CFAP77: variants seen among roughly 807,000 people sequenced by gnomAD.
CFAP77 encodes the protein cilia- and flagella-associated protein 77.
A neutral mutation model predicts 31.1 loss-of-function variants in CFAP77; 25 were observed. That is an observed-to-expected ratio of 0.80 (90% CI 0.59 to 1.12). CFAP77 has a LOEUF of 1.12. CFAP77 is among the 50% of genes most tolerant of loss of function. The pLI is 0.00. For synonymous variants in CFAP77, 151 were observed against 159.9 expected, an observed-to-expected ratio of 0.94 and a Z score of 0.42; for missense variants, 377 against 397.3, an observed-to-expected ratio of 0.95 and a Z score of 0.44.
intron 1 of CFAP77, among the ~76,000 whole-genome samples, chr9:132,433,355 C>T (rs787880): frequency 0.14 from 22,023 of 152,026 alleles, 2,969 homozygotes; most frequent in African/African-American, 0.36. Flanking sequence ...CCTTTGATGG[C>T]CCTTCTTCCC....
chr9:132,571,303 C>T (rs556172671), intron 5 of CFAP77, among the ~76,000 whole-genome samples: 1 of 152,258 alleles, frequency 6.6e-6, no homozygotes, highest in Admixed American at 6.5e-5. Context: ...CTCTCTTGGA[C>T]CCCAGGGCCA....
chr9:132,428,380 G>A (rs1850351495), intron 1 of CFAP77, among the ~76,000 whole-genome samples: 1 of 152,076 alleles, frequency 6.6e-6, no homozygotes, highest in South Asian at 2.1e-4. Flanking sequence ...CAGCACTTTG[G>A]GAGGCTGAGG....
intron 3 of CFAP77, among the ~76,000 whole-genome samples, chr9:132,530,863 AT>A (rs1176771736): frequency 6.6e-6 from 1 of 151,960 alleles, no homozygotes; most frequent in Admixed American, 6.6e-5. Flanking sequence ...GATCCCAAAC[AT>A]TTTCTCCTAT....
At chr9:132,459,911 TGTGA>T (rs1488005321) in intron 1 of CFAP77, among the ~76,000 whole-genome samples, 1 of 151,490 alleles carries the variant, frequency 6.6e-6, no homozygotes, top group African/African-American at 2.4e-5. Context: ...AGTGTGTGAG[TGTGA>T]GTTTGTATGA....
At chr9:132,537,774 C>T in intron 4 of CFAP77, 68 bp downstream of exon 4, 1 of 1,209,130 alleles carries the variant, frequency 8.3e-7, no homozygotes, top group Non-Finnish European at 1.2e-6. Flanking sequence ...CTGGCCAGGG[C>T]CAAGCATCGA....
intron 5 of CFAP77, among the ~76,000 whole-genome samples, chr9:132,566,981 C>T (rs1338386197): frequency 2.0e-5 from 3 of 152,216 alleles, no homozygotes; most frequent in Non-Finnish European, 4.4e-5. Context: ...AAACACTTCT[C>T]AAATGCCAGG....
intron 5 of CFAP77, among the ~76,000 whole-genome samples, chr9:132,568,812 A>G (rs1028623095): frequency 2.6e-5 from 4 of 151,964 alleles, no homozygotes; most frequent in African/African-American, 4.8e-5. Context: ...CAATCCTCCC[A>G]TCTCAGCCTC....
At chr9:132,522,072 A>G (rs954798890) in intron 3 of CFAP77, among the ~76,000 whole-genome samples, 1 of 151,990 alleles carries the variant, frequency 6.6e-6, no homozygotes, top group Non-Finnish European at 1.5e-5. Context: ...CCAGACTTGC[A>G]TTTTTTTAAA....
intron 1 of CFAP77, among the ~76,000 whole-genome samples, chr9:132,493,942 C>T (rs536828539): frequency 2.7e-4 from 40 of 148,152 alleles, no homozygotes; most frequent in African/African-American, 7.0e-4. Flanking sequence ...TATAGGGTTT[C>T]GCTCTGTCAC....
At chr9:132,427,257 C>G (rs927699662) in intron 1 of CFAP77, among the ~76,000 whole-genome samples, 4 of 152,186 alleles carry the variant, frequency 2.6e-5, no homozygotes, top group Admixed American at 6.5e-5. Flanking sequence ...GCTGTTCCTG[C>G]AGCCCATTCA....
intron 1 of CFAP77, among the ~76,000 whole-genome samples, chr9:132,461,947 AAGG>A (rs1019513391): frequency 2.6e-5 from 4 of 152,202 alleles, no homozygotes; most frequent in Non-Finnish European, 4.4e-5. Context: ...TGCAAATGTT[AAGG>A]AGGAGGAGAA....
intron 1 of CFAP77, among the ~76,000 whole-genome samples, chr9:132,416,119 A>C (rs1695129919): frequency 6.6e-6 from 1 of 152,038 alleles, no homozygotes; most frequent in Non-Finnish European, 1.5e-5. Flanking sequence ...GGAGTAGGAC[A>C]GTGTGCTGAG....
chr9:132,541,677 A>T (rs549159575), intron 4 of CFAP77, among the ~76,000 whole-genome samples: 7 of 152,182 alleles, frequency 4.6e-5, no homozygotes, highest in Non-Finnish European at 1.0e-4. Context: ...ACTGCATTTC[A>T]GCCTGGGCAA....
intron 1 of CFAP77, among the ~76,000 whole-genome samples, chr9:132,448,363 A>G (rs543344537): frequency 6.6e-5 from 10 of 152,284 alleles, no homozygotes; most frequent in African/African-American, 2.4e-4. Flanking sequence ...TCCCTCATGC[A>G]CCATAGCAGG....
At chr9:132,417,601 T>A in intron 1 of CFAP77, among the ~76,000 whole-genome samples, 1 of 152,208 alleles carries the variant, frequency 6.6e-6, no homozygotes, top group East Asian at 1.9e-4. Flanking sequence ...ACGAGACTAT[T>A]TACCCTTTAA....
In CFAP77 at chr9:132,499,276, C is replaced by G; in HGVS notation, c.296-96C>G. On this transcript the variant is annotated intron_variant, in intron 2 of 5. Transcript: ENST00000393216. The surrounding 1 kb of genome is among the most constrained non-coding windows in gnomAD (Gnocchi z 5.4). ...AGTAGGCTCAGGTAAATGGGAAGGC[C>G]GAGGACCCGCGTGCCCCCATTTCTT... The G allele has an allele frequency of 9.1e-7, 1 of 1,097,430 alleles. No individual in the cohort carries two copies. Among genetic ancestry groups the G allele is most frequent in the Non-Finnish European group, 1.3e-6 (1 of 752,056 alleles). The allele number at this position is 1,097,430 out of a possible 1,614,324, so 68.0% of individuals were successfully genotyped here.
intron 3 of CFAP77, among the ~76,000 whole-genome samples, chr9:132,536,131 TA>T (rs1357785200): frequency 6.6e-6 from 1 of 152,142 alleles, no homozygotes; most frequent in Non-Finnish European, 1.5e-5. Flanking sequence ...TGGGACTGGT[TA>T]GGGGTGCTTA....
chr9:132,439,910 A>G (rs1272070744), intron 1 of CFAP77, among the ~76,000 whole-genome samples: 6 of 151,466 alleles, frequency 4.0e-5, no homozygotes. Context: ...CATCTCTCTT[A>G]TTCCTCGATC....
At chr9:132,484,852 CTT>C (rs772628691) in intron 1 of CFAP77, among the ~76,000 whole-genome samples, 2,197 of 137,980 alleles carry the variant, frequency 0.016, 46 homozygotes, top group African/African-American at 0.052. Flanking sequence ...AACTTTCTTT[CTT>C]TTTTTTTTTT....
Sources: allele counts gnomAD v4.1 joint callset (sites outside exome capture counted in the v4.1 genomes callset), GRCh38; gene constraint gnomAD v4.1.1; non-coding constraint Gnocchi (gnomAD v3.1); transcripts MANE v1.5; gene names NCBI Gene and HGNC (gene_info 2026-07-23, HGNC 2026-07-21).